Variants in OSBPL10 observed in about 807,000 individuals in gnomAD.
OSBPL10 encodes the protein oxysterol-binding protein-related protein 10.
A neutral mutation model predicts 81.7 loss-of-function variants in OSBPL10; 49 were observed. That is an observed-to-expected ratio of 0.60 (90% CI 0.48 to 0.76). The LOEUF (loss-of-function observed/expected upper bound fraction) is 0.76. Among genes scored for constraint, OSBPL10 ranks in the 30% least tolerant of loss-of-function variants. OSBPL10 has a pLI of 0.00. For synonymous variants in OSBPL10, 419 were observed against 383.6 expected, an observed-to-expected ratio of 1.09 and a Z score of -1.08; for missense variants, 923 against 987.8, an observed-to-expected ratio of 0.93 and a Z score of 0.88.
At chr3:31,694,010 T>G (rs950528641) in intron 7 of OSBPL10, among the ~76,000 whole-genome samples, 1 of 152,166 alleles carries the variant, frequency 6.6e-6, no homozygotes. Flanking sequence ...ACTGAAGTGA[T>G]TCTCCCACTT....
intron 1 of OSBPL10, among the ~76,000 whole-genome samples, chr3:32,074,540 T>C (rs1362459602): frequency 6.6e-6 from 1 of 152,152 alleles, no homozygotes. Context: ...GCAGTCACTA[T>C]TGTTTAGGAA....
intron 2 of OSBPL10, among the ~76,000 whole-genome samples, chr3:32,033,463 C>G (rs1335723848): frequency 3.3e-5 from 5 of 152,158 alleles, no homozygotes; most frequent in Admixed American, 6.5e-5. Flanking sequence ...AGAGAAATAT[C>G]TCCTTTCTAG....
intron 1 of OSBPL10, among the ~76,000 whole-genome samples, chr3:31,971,011 C>T (rs367919127): frequency 1.3e-5 from 2 of 152,156 alleles, no homozygotes; most frequent in East Asian, 3.8e-4. Flanking sequence ...CCACCTGCGA[C>T]TTCTGCCCTT....
chr3:31,992,535 G>A (rs1699045370), intron 2 of OSBPL10, among the ~76,000 whole-genome samples: 1 of 152,006 alleles, frequency 6.6e-6, no homozygotes, highest in Non-Finnish European at 1.5e-5. Flanking sequence ...CTGGTTTTTG[G>A]CCCCTTTCAG....
chr3:31,792,552 T>C, intron 4 of OSBPL10, among the ~76,000 whole-genome samples: 1 of 152,058 alleles, frequency 6.6e-6, no homozygotes, highest in Non-Finnish European at 1.5e-5. Flanking sequence ...GGGGTGGTGG[T>C]TAAAATTCTC....
intron 1 of OSBPL10, among the ~76,000 whole-genome samples, chr3:31,897,465 G>A (rs1052894906): frequency 3.3e-5 from 5 of 152,024 alleles, no homozygotes; most frequent in Non-Finnish European, 4.4e-5. Context: ...GAAAAGAAGC[G>A]AAAATATCTA....
chr3:31,774,422 G>GGTGA (rs935039880), intron 4 of OSBPL10, among the ~76,000 whole-genome samples: 12 of 152,288 alleles, frequency 7.9e-5, no homozygotes, highest in African/African-American at 2.9e-4. Flanking sequence ...GGCTGACACA[G>GGTGA]GTGAAGGTAC....
chr3:32,026,011 C>CATAGATAGATAGATAGATAG (rs10662309), intron 2 of OSBPL10, among the ~76,000 whole-genome samples: 2 of 128,282 alleles, frequency 1.6e-5, no homozygotes, highest in Admixed American at 8.0e-5. Context: ...TATATACAGA[C>CATAGATAGATAGATAGATAG]ATAGATAGAT....
intron 1 of OSBPL10, among the ~76,000 whole-genome samples, chr3:32,075,269 C>G (rs908161245): frequency 1.3e-5 from 2 of 152,078 alleles, no homozygotes; most frequent in South Asian, 2.1e-4. Context: ...AAGGAGGACT[C>G]TGTATATTTT....
intron 11 of OSBPL10, chr3:31,663,493 C>A: frequency 2.0e-6 from 2 of 993,608 alleles, no homozygotes; most frequent in South Asian, 9.0e-5. Context: ...CAGCTGGGCA[C>A]ACAGTGCCCT....
intron 2 of OSBPL10, among the ~76,000 whole-genome samples, chr3:32,043,049 G>GT (rs1699591525): frequency 6.6e-6 from 1 of 152,076 alleles, no homozygotes. Context: ...ACTGGGGCGG[G>GT]TTTTTTCCCC....
Position 31,663,050 on chromosome 3 carries a change from CCTGCTCTTA to C in OSBPL10, c.2251-943_2251-935del, listed in dbSNP as rs926168114. 5 of 985,084 alleles carry C rather than the reference CCTGCTCTTA, an allele frequency of 5.1e-6. No individual in the cohort carries two copies. In the African/African-American group the frequency reaches 7.0e-5, roughly 14 times the overall value. The allele number at this position is 985,084 out of a possible 1,614,324, so 61.0% of individuals were successfully genotyped here. On this transcript the variant is annotated intron_variant, in intron 11 of 11. Transcript: ENST00000396556. ...AGAACAGTGGTGGCTTCCTGCTCTT[CCTGCTCTTA>C]ACCATGAATCCACCCCAGTTACCTA...
intron 2 of OSBPL10, among the ~76,000 whole-genome samples, chr3:32,004,657 C>G (rs1181807589): frequency 2.0e-5 from 3 of 152,126 alleles, no homozygotes; most frequent in Admixed American, 2.0e-4. Context: ...TTTCTTTCAA[C>G]AAAACTATTG....
intron 8 of OSBPL10, among the ~76,000 whole-genome samples, chr3:31,673,532 G>A (rs1700378389): frequency 6.6e-6 from 1 of 152,170 alleles, no homozygotes. Flanking sequence ...TGTGGCAGCT[G>A]AGAGAGGCCC....
intron 6 of OSBPL10, among the ~76,000 whole-genome samples, chr3:31,729,216 A>G (rs1696892894): frequency 6.6e-6 from 1 of 152,194 alleles, no homozygotes. Context: ...GTACATGGTC[A>G]CGTGTGAGCT....
At chr3:31,757,060 T>C (rs1697908793) in intron 4 of OSBPL10, among the ~76,000 whole-genome samples, 1 of 152,188 alleles carries the variant, frequency 6.6e-6, no homozygotes, top group Admixed American at 6.5e-5. Context: ...AAATTGTTCC[T>C]ATGCAGCTTA....
intron 5 of OSBPL10, among the ~76,000 whole-genome samples, chr3:31,747,513 CAG>C (rs1697564588): frequency 8.7e-6 from 1 of 115,600 alleles, no homozygotes; most frequent in African/African-American, 3.2e-5. Flanking sequence ...AAAAAAAACA[CAG>C]AATGCTGAGT....
intron 4 of OSBPL10, among the ~76,000 whole-genome samples, chr3:31,769,454 A>C (rs1698299496): frequency 1.2e-5 from 1 of 86,948 alleles, no homozygotes; most frequent in Admixed American, 1.3e-4. Context: ...TCAAAAAAAA[A>C]AAAACAAAAA....
chr3:31,991,736 A>G (rs1239178114), intron 2 of OSBPL10: 1 of 154,986 alleles, frequency 6.5e-6, no homozygotes, highest in African/African-American at 2.4e-5. Context: ...GATAACTAAT[A>G]CAGATGCCTA....
Sources: gnomAD v4.1 joint callset for allele counts (sites outside exome capture counted in the v4.1 genomes callset) on GRCh38, gnomAD v4.1.1 for gene constraint, MANE v1.5 for transcripts, NCBI Gene and HGNC (gene_info 2026-07-23, HGNC 2026-07-21) for gene names.